The following PATJ variants were observed in gnomAD, a reference collection of about 807,000 sequenced individuals.
PATJ encodes PATJ crumbs cell polarity complex component.
A neutral mutation model predicts 224.9 loss-of-function variants in PATJ; 190 were observed. That is an observed-to-expected ratio of 0.84 (90% CI 0.75 to 0.95). PATJ has a LOEUF of 0.95. PATJ is among the 40% of genes least tolerant of loss of function. PATJ has a pLI of 0.00. For synonymous variants in PATJ, 769 were observed against 820.3 expected (o/e 0.94, Z 1.07); for missense variants, 2,121 against 2,270.3 (o/e 0.93, Z 1.34).
chr1:61,940,721 C>CAAA (rs547927537), intron 27 of PATJ, among the ~76,000 whole-genome samples: 11 of 98,958 alleles, frequency 1.1e-4, no homozygotes, highest in African/African-American at 3.3e-4. Flanking sequence ...TCTCAAAAAA[C>CAAA]AAAAAAAAAA....
At position 62,050,883 on chromosome 1, in the gene PATJ, A is replaced by G. The variant is rs1003158362; in HGVS notation, c.4033-83A>G. On this transcript the variant is annotated intron_variant, in intron 30 of 43. Coordinates refer to ENST00000642238, the MANE Select transcript of PATJ (RefSeq NM_001350145.3). The stretch of plus-strand genomic sequence containing the variant: ...TATCCACCACAACCATATGATGAGC[A>G]AATGACATTGAGTATCTGTACAATT... 1.6e-4 allele frequency: 161 copies of G among 1,004,932 alleles called. 1 individual carries two copies. The highest frequency in any genetic ancestry group is 9.5e-5 in the Admixed American group (5 of 52,358). 62.3% of individuals were successfully genotyped at this position (1,004,932 alleles called of 1,614,324 possible). A position where few individuals can be genotyped will look rare whatever the true frequency, so the allele number is the denominator to read the frequency against.
At chr1:61,824,304 A>G (rs183912783) in intron 15 of PATJ, among the ~76,000 whole-genome samples, 12 of 150,756 alleles carry the variant, frequency 8.0e-5, no homozygotes, top group Non-Finnish European at 1.3e-4. Flanking sequence ...AACTCAAACA[A>G]TCCACCCACC....
chr1:61,923,027 T>C (rs1249071110), intron 26 of PATJ, among the ~76,000 whole-genome samples: 1 of 152,264 alleles, frequency 6.6e-6, no homozygotes, highest in African/African-American at 2.4e-5. Flanking sequence ...TTATCAACTT[T>C]GGACTGCTCC....
intron 1 of PATJ, among the ~76,000 whole-genome samples, chr1:61,746,794 AG>A (rs1645046438): frequency 6.6e-6 from 1 of 152,234 alleles, no homozygotes; most frequent in South Asian, 2.1e-4. Context: ...AGAAACTAAA[AG>A]TACACAGACT....
intron 1 of PATJ, among the ~76,000 whole-genome samples, chr1:61,754,542 T>G (rs1020034754): frequency 6.0e-5 from 5 of 82,918 alleles, no homozygotes; most frequent in Non-Finnish European, 1.3e-4. Flanking sequence ...TTTTTTTTTT[T>G]GTAGATACAG....
chr1:62,132,136 C>T (rs1666329438), intron 41 of PATJ, among the ~76,000 whole-genome samples: 1 of 152,130 alleles, frequency 6.6e-6, no homozygotes, highest in African/African-American at 2.4e-5. Flanking sequence ...GCATGAGCCA[C>T]CACGCCCAGC....
chr1:61,830,164 G>A (rs1659049354), intron 16 of PATJ, among the ~76,000 whole-genome samples: 1 of 152,214 alleles, frequency 6.6e-6, no homozygotes, highest in African/African-American at 2.4e-5. Context: ...ACTTCAGAAA[G>A]TTTCAGGATA....
At chr1:62,047,062 G>A (rs1195018505) in intron 30 of PATJ, among the ~76,000 whole-genome samples, 2 of 152,112 alleles carry the variant, frequency 1.3e-5, no homozygotes, top group Admixed American at 1.3e-4. Flanking sequence ...AAAAGTAAAG[G>A]TTCCTCTAAT....
chr1:62,118,071 T>C (rs939375515), intron 37 of PATJ, among the ~76,000 whole-genome samples: 5 of 152,200 alleles, frequency 3.3e-5, no homozygotes, highest in Non-Finnish European at 5.9e-5. Context: ...TGTTCCTCAC[T>C]GGTGTTAAAA....
intron 29 of PATJ, among the ~76,000 whole-genome samples, chr1:62,036,871 C>CA (rs55761910): frequency 1.5e-5 from 1 of 67,342 alleles, no homozygotes; most frequent in African/African-American, 5.6e-5. Context: ...GACTCCATCT[C>CA]AAAAAAAAAA....
At chr1:62,120,363 T>C (rs907241678) in intron 37 of PATJ, among the ~76,000 whole-genome samples, 2 of 152,192 alleles carry the variant, frequency 1.3e-5, no homozygotes, top group Admixed American at 1.3e-4. Flanking sequence ...GTTAAGAAAA[T>C]GGACCAAATT....
intron 27 of PATJ, among the ~76,000 whole-genome samples, chr1:61,943,368 C>T (rs1368801254): frequency 3.5e-4 from 54 of 152,252 alleles, no homozygotes; most frequent in Non-Finnish European, 4.4e-5. Flanking sequence ...ACAGAGGGTA[C>T]CTGGAAAATC....
At chr1:61,987,400 T>C (rs115468766) in intron 27 of PATJ, among the ~76,000 whole-genome samples, 3,644 of 149,076 alleles carry the variant, frequency 0.024, 91 homozygotes, top group African/African-American at 0.056. Context: ...TCAACATCTT[T>C]TTTTTTAAAA....
At chr1:62,051,383 G>T (rs1447427593) in intron 31 of PATJ, among the ~76,000 whole-genome samples, 2 of 152,102 alleles carry the variant, frequency 1.3e-5, no homozygotes, top group African/African-American at 4.8e-5. Context: ...GAGCACAGTG[G>T]TGCAATGATC....
At chr1:62,130,454 C>T (rs1055304126) in intron 41 of PATJ, among the ~76,000 whole-genome samples, 2 of 151,858 alleles carry the variant, frequency 1.3e-5, no homozygotes, top group Admixed American at 6.6e-5. Flanking sequence ...TGCTTGAGCC[C>T]AGGAGTTTTG....
chr1:61,864,315 C>T lies in PATJ; in HGVS notation c.2517C>T (p.Ser839=), dbSNP rs1288125782. The stretch of plus-strand genomic sequence containing the variant: ...TAGATCTGGGAAAGTCTTTCCATTC[C>T]CAACAAAAAGAGATAGAGCAAAGCA... ...PFLDLGKSFH[S]QQKEIEQSKE... is the part of the protein sequence containing the mutation. Residue 839 remains serine (S), a synonymous_variant, in exon 20 of 44, where the codon TCC becomes TCT. Coordinates refer to ENST00000642238, the MANE Select transcript of PATJ (RefSeq NM_001350145.3). 2.5e-6 allele frequency: 4 copies of T among 1,613,748 alleles called. No homozygotes were observed. The highest frequency in any genetic ancestry group is 3.4e-6 in the Non-Finnish European group (4 of 1,179,778).
At chr1:61,819,207 G>C (rs1000564605) in intron 14 of PATJ, among the ~76,000 whole-genome samples, 1 of 152,118 alleles carries the variant, frequency 6.6e-6, no homozygotes, top group Non-Finnish European at 1.5e-5. Flanking sequence ...ACCTCCACTA[G>C]TGGGGCTCTG....
At chr1:61,793,977 AC>A (rs1650475659) in intron 9 of PATJ, among the ~76,000 whole-genome samples, 1 of 145,126 alleles carries the variant, frequency 6.9e-6, no homozygotes, top group African/African-American at 2.5e-5. Flanking sequence ...GTCTCGGCTC[AC>A]TGCAACCTCC....
chr1:61,810,826 A>G (rs1654611650), intron 14 of PATJ, among the ~76,000 whole-genome samples: 1 of 152,192 alleles, frequency 6.6e-6, no homozygotes. Flanking sequence ...CAGGAGGCTG[A>G]GGCAGGAGAA....
Sources: gnomAD v4.1 joint callset for allele counts (sites outside exome capture counted in the v4.1 genomes callset) on GRCh38, gnomAD v4.1.1 for gene constraint, MANE v1.5 for transcripts, NCBI Gene and HGNC (gene_info 2026-07-23, HGNC 2026-07-21) for gene names.